The following KIAA2012 variants were observed in gnomAD, a reference collection of about 807,000 sequenced individuals.
KIAA2012 encodes KIAA2012, also known as uncharacterized protein KIAA2012.
In KIAA2012, 125 loss-of-function variants were observed where a neutral mutation model predicts 150.6. The ratio of observed to expected loss-of-function variants is 0.83; its 90% confidence interval spans 0.72 to 0.96. The LOEUF (loss-of-function observed/expected upper bound fraction) is 0.96. KIAA2012 is among the 40% of genes least tolerant of loss of function. KIAA2012 has a pLI of 0.00. For synonymous variants in KIAA2012, 462 were observed against 504.7 expected (o/e 0.92, Z 1.13); for missense variants, 1,219 against 1,354.9 (o/e 0.90, Z 1.57).
chr2:202,131,708 T>C (rs1372688387), intron 12 of KIAA2012, among the ~76,000 whole-genome samples: 2 of 151,684 alleles, frequency 1.3e-5, no homozygotes, highest in African/African-American at 2.4e-5. Flanking sequence ...ACTAGCCGAG[T>C]GGTAAAGAAA....
intron 11 of KIAA2012, among the ~76,000 whole-genome samples, chr2:202,121,439 G>A (rs1690650356): frequency 6.6e-6 from 1 of 152,128 alleles, no homozygotes; most frequent in Non-Finnish European, 1.5e-5. Context: ...TATGAAATAT[G>A]GTTGAACCTC....
chr2:202,194,218 C>G lies in KIAA2012; in HGVS notation c.3043C>G (p.Gln1015Glu). ...RLRKQRLQEE[Q>E]QRQEEEERKQ... ...GAGGAAACAGAGACTCCAAGAAGAA[C>G]AGCAGCGGCAGGAGGAGGAGGAGAG... is the stretch of plus-strand genomic sequence containing the variant. Residue 1015 changes from glutamine (Q) to glutamate (E), a missense_variant, in exon 21 of 24, where the codon CAG (glutamine) becomes GAG (glutamate). Gln to Glu is a conservative substitution (Grantham distance 29). Transcript: ENST00000498697. 1 of 1,550,658 alleles carries G rather than the reference C, an allele frequency of 6.4e-7. No individual in the cohort carries two copies. Among genetic ancestry groups the G allele is most frequent in the Non-Finnish European group, 8.7e-7 (1 of 1,146,990 alleles).
At chr2:202,085,952 G>A (rs1419839313) in intron 2 of KIAA2012, among the ~76,000 whole-genome samples, 3 of 151,744 alleles carry the variant, frequency 2.0e-5, no homozygotes, top group Non-Finnish European at 4.4e-5. Context: ...GGCGGATCAC[G>A]AGGTCAGGAG....
intron 13 of KIAA2012, among the ~76,000 whole-genome samples, chr2:202,151,403 T>A (rs925846335): frequency 5.9e-5 from 9 of 151,544 alleles, no homozygotes; most frequent in African/African-American, 1.9e-4. Context: ...TCTCAAAAAA[T>A]AATAATAATA....
chr2:202,092,036 G>A (rs1026436656), intron 3 of KIAA2012, among the ~76,000 whole-genome samples: 1 of 152,206 alleles, frequency 6.6e-6, no homozygotes, highest in Non-Finnish European at 1.5e-5. Flanking sequence ...TTCTCATTGA[G>A]TGGGGCAGAG....
chr2:202,139,572 C>T (rs529823098), intron 13 of KIAA2012, among the ~76,000 whole-genome samples: 3 of 152,270 alleles, frequency 2.0e-5, no homozygotes, highest in South Asian at 2.1e-4. Flanking sequence ...GATAAAGAAA[C>T]GGGTTTGCTT....
chr2:202,159,221 G>C (rs1407921045), intron 14 of KIAA2012, among the ~76,000 whole-genome samples: 1 of 152,182 alleles, frequency 6.6e-6, no homozygotes, highest in African/African-American at 2.4e-5. Context: ...GGGTGCCTTA[G>C]GAGATAAGTT....
intron 22 of KIAA2012, chr2:202,201,343 G>A: frequency 6.3e-7 from 1 of 1,585,508 alleles, no homozygotes; most frequent in Non-Finnish European, 8.7e-7. Context: ...CTGAAGGTAT[G>A]TGATGTCTTT....
At chr2:202,187,430 G>A (rs544670325) in intron 17 of KIAA2012, among the ~76,000 whole-genome samples, 3 of 152,250 alleles carry the variant, frequency 2.0e-5, no homozygotes, top group African/African-American at 7.2e-5. Context: ...TCAGCCTCCT[G>A]AGTAGCTGGG....
rs1244071557 is a variant in KIAA2012, at chr2:202,201,936, C to CGTCCTCTTCCTGG, written c.3408-481_3408-480insGGTCCTCTTCCTG. ...CGGCATCAGGGACGGTTATCTTTTC[C>CGTCCTCTTCCTGG]GTCCTCTTCCTGTTCGGAGCCACTT... On this transcript the variant is annotated intron_variant, in intron 22 of 23. Coordinates refer to ENST00000498697, the MANE Select transcript of KIAA2012 (RefSeq NM_001277372.4). 7.7e-6 allele frequency: 6 copies of CGTCCTCTTCCTGG among 775,500 alleles called. No individual in the cohort carries two copies. The East Asian group carries it at 1.5e-4, about 19-fold the overall frequency. 48.0% of individuals were successfully genotyped at this position (775,500 alleles called of 1,614,324 possible).
intron 12 of KIAA2012, among the ~76,000 whole-genome samples, chr2:202,133,130 A>AT (rs60064904): frequency 0.023 from 1,545 of 67,762 alleles, 150 homozygotes; most frequent in South Asian, 0.055. Flanking sequence ...ATATATATAT[A>AT]TTTTTTTTTT....
intron 12 of KIAA2012, among the ~76,000 whole-genome samples, chr2:202,132,391 T>C (rs2105940606): frequency 6.6e-6 from 1 of 150,994 alleles, no homozygotes; most frequent in South Asian, 2.1e-4. Flanking sequence ...TTCTGGCCAG[T>C]TGTGGTAGCT....
intron 9 of KIAA2012, among the ~76,000 whole-genome samples, chr2:202,109,359 A>C (rs1323208480): frequency 6.6e-6 from 1 of 152,198 alleles, no homozygotes; most frequent in Non-Finnish European, 1.5e-5. Flanking sequence ...GCCAAGAGTC[A>C]TGTCATTTTG....
intron 9 of KIAA2012, among the ~76,000 whole-genome samples, chr2:202,109,329 A>G (rs1249643851): frequency 6.6e-6 from 1 of 152,118 alleles, no homozygotes; most frequent in Non-Finnish European, 1.5e-5. Context: ...CAATTTTCCA[A>G]ATGAACAGCC....
intron 22 of KIAA2012, chr2:202,201,951 C>T (rs1692538817): frequency 7.0e-6 from 5 of 714,596 alleles, no homozygotes; most frequent in South Asian, 1.6e-5. Context: ...TCTTCCTGTT[C>T]GGAGCCACTT....
In KIAA2012 at chr2:202,194,306, G is replaced by T. The variant is rs1016224737; in HGVS notation, c.3131G>T (p.Arg1044Leu). The T allele has an allele frequency of 1.9e-6, 3 of 1,550,384 alleles. No individual in the cohort carries two copies. The highest frequency in any genetic ancestry group is 1.4e-5 in the African/African-American group (1 of 73,004). Reference sequence around the variant, plus strand: ...GCCCGGCAACAGCAAGAGGAGTTTCGGAGGAAACTGCGAGAACTACAGAGA... The same window carrying T: ...GCCCGGCAACAGCAAGAGGAGTTTCTGAGGAAACTGCGAGAACTACAGAGA... ...ERARQQQEEF[R>L]RKLRELQRKK... The change falls in exon 21 of 24, where the codon CGG (arginine) becomes CTG (leucine). Residue 1044 changes from arginine (R) to leucine (L), a missense_variant. Coordinates refer to ENST00000498697, the MANE Select transcript of KIAA2012 (RefSeq NM_001277372.4).
intron 21 of KIAA2012, among the ~76,000 whole-genome samples, chr2:202,195,886 C>T (rs1692404532): frequency 6.6e-6 from 1 of 152,094 alleles, no homozygotes; most frequent in African/African-American, 2.4e-5. Context: ...AGTAGTGTTC[C>T]ATCATGTATA....
At position 202,173,398 on chromosome 2, in the gene KIAA2012, C is replaced by T. The variant is rs536919490; in HGVS notation, c.2119+8042C>T. ...CAGCCTGACCAACATGGAGAAACCC[C>T]GTCTCTACTAAAAATACAAAATTAG... is the stretch of plus-strand genomic sequence containing the variant. On this transcript the variant is annotated intron_variant, in intron 15 of 23. Coordinates refer to ENST00000498697, the MANE Select transcript of KIAA2012 (RefSeq NM_001277372.4). 3.9e-5 allele frequency among the ~76,000 whole-genome samples: 6 copies of T among 152,158 alleles called. No homozygotes were observed. The East Asian group carries it at 5.8e-4, about 15-fold the overall frequency.
At chr2:202,180,077 G>C (rs912664138) in intron 15 of KIAA2012, 2 of 377,744 alleles carry the variant, frequency 5.3e-6, no homozygotes, top group Admixed American at 7.3e-5. Flanking sequence ...TTCAAGACCA[G>C]CCTGACCAAC....
Sources: gnomAD v4.1 joint callset for allele counts (sites outside exome capture counted in the v4.1 genomes callset) on GRCh38, gnomAD v4.1.1 for gene constraint, MANE v1.5 for transcripts, NCBI Gene and HGNC (gene_info 2026-07-23, HGNC 2026-07-21) for gene names.